Variants in SNX29 observed in about 807,000 individuals in gnomAD.
SNX29 encodes sorting nexin 29.
A neutral mutation model predicts 102.1 loss-of-function variants in SNX29; 78 were observed. The observed-to-expected ratio is 0.76, with a 90% CI of 0.64 to 0.92. SNX29 has a LOEUF of 0.92. Ranked by LOEUF, SNX29 falls within the 40% of genes least tolerant of loss-of-function variation. The pLI, the probability that SNX29 is intolerant of heterozygous loss-of-function variation, is 0.00. For synonymous variants in SNX29, 580 were observed against 414.5 expected, an observed-to-expected ratio of 1.40 and a Z score of -4.85; for missense variants, 1,280 against 1,061.7, an observed-to-expected ratio of 1.21 and a Z score of -2.86.
chr16:12,184,559 C>A (rs1272837041), intron 13 of SNX29, among the ~76,000 whole-genome samples: 1 of 152,236 alleles, frequency 6.6e-6, no homozygotes, highest in Admixed American at 6.5e-5. Context: ...CCCTCATGGT[C>A]TTCAAACTCT....
At chr16:12,262,798 G>T (rs912720549) in intron 14 of SNX29, among the ~76,000 whole-genome samples, 1 of 152,208 alleles carries the variant, frequency 6.6e-6, no homozygotes, top group African/African-American at 2.4e-5. Flanking sequence ...CGTGTTCTAA[G>T]TGTATAATTC....
At chr16:12,435,978 T>C (rs2085518107) in intron 18 of SNX29, among the ~76,000 whole-genome samples, 1 of 151,964 alleles carries the variant, frequency 6.6e-6, no homozygotes, top group Admixed American at 6.5e-5. Context: ...AGGCCCAGGG[T>C]CTGGGCCTTG....
At chr16:12,256,524 C>T (rs546459935) in intron 14 of SNX29, among the ~76,000 whole-genome samples, 1 of 152,248 alleles carries the variant, frequency 6.6e-6, no homozygotes, top group Admixed American at 6.5e-5. Flanking sequence ...GACGAGGTTT[C>T]ACCATGTAGG....
At position 12,572,782 on chromosome 16, in the gene SNX29, A is replaced by ACT. The variant is rs2079215601; in HGVS notation, c.*4155_*4156dup. The ACT allele has an allele frequency of 9.4e-7, 1 of 1,062,860 alleles. No homozygotes were observed. Among genetic ancestry groups the ACT allele is most frequent in the Non-Finnish European group, 1.1e-6 (1 of 878,020 alleles). 65.8% of individuals were successfully genotyped at this position (1,062,860 alleles called of 1,614,324 possible). ...TGGGACCCGAGGAAGACCCCACCTCACTCCTCCTTCCCCAGTACATCAGAC... is the reference window on the plus strand; with the variant it reads ...TGGGACCCGAGGAAGACCCCACCTCACTCTCCTCCTTCCCCAGTACATCAGAC... On this transcript the variant is annotated 3_prime_UTR_variant, in exon 21 of 21. Coordinates refer to ENST00000566228, the MANE Select transcript of SNX29 (RefSeq NM_032167.5).
At chr16:12,318,865 C>G (rs917510239) in intron 15 of SNX29, among the ~76,000 whole-genome samples, 5 of 152,158 alleles carry the variant, frequency 3.3e-5, no homozygotes, top group African/African-American at 1.2e-4. Flanking sequence ...TTCTTCTAGT[C>G]TATGACTAAG....
chr16:12,340,358 C>A (rs536870356), intron 15 of SNX29, among the ~76,000 whole-genome samples: 15 of 152,320 alleles, frequency 9.8e-5, no homozygotes, highest in African/African-American at 3.6e-4. Flanking sequence ...AGACAATGTT[C>A]CTCAGTCAGT....
chr16:12,548,471 G>A (rs952316485), intron 20 of SNX29, among the ~76,000 whole-genome samples: 3 of 152,166 alleles, frequency 2.0e-5, no homozygotes, highest in Admixed American at 1.3e-4. Flanking sequence ...GGACAGCACC[G>A]GGCTTTCAGG....
chr16:12,058,851 G>C (rs2050643091), intron 8 of SNX29, among the ~76,000 whole-genome samples: 1 of 143,582 alleles, frequency 7.0e-6, no homozygotes, highest in Admixed American at 7.3e-5. Flanking sequence ...GGAGGAAGTG[G>C]TATGATCTCA....
chr16:12,485,496 C>T (rs1486104112), intron 19 of SNX29, among the ~76,000 whole-genome samples: 3 of 152,182 alleles, frequency 2.0e-5, no homozygotes, highest in Non-Finnish European at 4.4e-5. Context: ...TCATTAAAAA[C>T]ACATACACCC....
chr16:12,368,487 A>G (rs190606553), intron 16 of SNX29, among the ~76,000 whole-genome samples: 1 of 152,300 alleles, frequency 6.6e-6, no homozygotes, highest in South Asian at 2.1e-4. Context: ...ACTTTACCCA[A>G]TGTGAGGAAG....
intron 20 of SNX29, among the ~76,000 whole-genome samples, chr16:12,563,240 C>T (rs114741262): frequency 6.6e-6 from 1 of 152,162 alleles, no homozygotes; most frequent in African/African-American, 2.4e-5. Flanking sequence ...GCCTCCCCAT[C>T]ATCACTGACC....
intron 15 of SNX29, among the ~76,000 whole-genome samples, chr16:12,354,708 CTG>C (rs2082082909): frequency 6.6e-6 from 1 of 152,096 alleles, no homozygotes; most frequent in African/African-American, 2.4e-5. Context: ...TATGTGATTT[CTG>C]TGTGGAGGAG....
intron 15 of SNX29, among the ~76,000 whole-genome samples, chr16:12,317,455 G>GC (rs2080786860): frequency 6.6e-6 from 1 of 152,164 alleles, no homozygotes; most frequent in Non-Finnish European, 1.5e-5. Flanking sequence ...GGGCAGCTGG[G>GC]CCCCACATCC....
intron 18 of SNX29, among the ~76,000 whole-genome samples, chr16:12,431,220 A>G (rs907293071): frequency 2.0e-5 from 3 of 152,112 alleles, no homozygotes; most frequent in East Asian, 1.9e-4. Flanking sequence ...CCAGGCCCCA[A>G]GACGAGATGT....
intron 13 of SNX29, among the ~76,000 whole-genome samples, chr16:12,176,006 AAACAAC>A (rs144666243): frequency 1.3e-5 from 2 of 151,136 alleles, no homozygotes; most frequent in Non-Finnish European, 3.0e-5. Context: ...ACCTTGTCTA[AAACAAC>A]AACAACAACA....
At chr16:12,434,325 A>G (rs562275954) in intron 18 of SNX29, among the ~76,000 whole-genome samples, 28 of 152,264 alleles carry the variant, frequency 1.8e-4, no homozygotes, top group African/African-American at 6.7e-4. Context: ...TTTGCCTGAA[A>G]TAGGAAGTAG....
chr16:12,314,180 G>A (rs549405719), intron 15 of SNX29, among the ~76,000 whole-genome samples: 1 of 152,176 alleles, frequency 6.6e-6, no homozygotes, highest in East Asian at 1.9e-4. Flanking sequence ...TTTAACCTTT[G>A]TACAGCTGGG....
At chr16:11,983,235 A>ATTTTTT (rs557542669) in intron 1 of SNX29, among the ~76,000 whole-genome samples, 4 of 129,610 alleles carry the variant, frequency 3.1e-5, no homozygotes, top group East Asian at 2.4e-4. Flanking sequence ...CTGGGTTACA[A>ATTTTTT]TTTTTTTTTT....
chr16:12,562,777 T>TTA (rs1428465649), intron 20 of SNX29, among the ~76,000 whole-genome samples: 1 of 152,142 alleles, frequency 6.6e-6, no homozygotes. Context: ...TTGGAGTCCT[T>TTA]TAGCCATCAC....
Sources: gnomAD v4.1 joint callset for allele counts (sites outside exome capture counted in the v4.1 genomes callset) on GRCh38, gnomAD v4.1.1 for gene constraint, MANE v1.5 for transcripts, NCBI Gene and HGNC (gene_info 2026-07-23, HGNC 2026-07-21) for gene names.